The following FGFR1 variants were observed in gnomAD, a reference collection of about 807,000 sequenced individuals.
FGFR1 encodes the protein fibroblast growth factor receptor 1, also known as FGFR1/PLAG1 fusion.
A neutral mutation model predicts 93.7 loss-of-function variants in FGFR1; 18 were observed. The observed-to-expected ratio is 0.19, with a 90% CI of 0.13 to 0.28. The LOEUF (loss-of-function observed/expected upper bound fraction) is 0.28. Among genes scored for constraint, FGFR1 ranks in the 10% least tolerant of loss-of-function variants. FGFR1 has a pLI of 1.00. For missense variants in FGFR1, 731 were observed against 1,080.4 expected (o/e 0.68, Z 4.53); for synonymous variants, 448 against 429.3 (o/e 1.04, Z -0.54).
Position 38,424,755 on chromosome 8 carries a change from G to A in FGFR1, c.746-56C>T, listed in dbSNP as rs1009258549. On this transcript the variant is annotated intron_variant, in intron 6 of 17. Transcript: ENST00000447712. The surrounding 1 kb of genome is among the most constrained non-coding windows in gnomAD (Gnocchi z 4.3). ...ATGGGGACCTTGCCATGGCTAAAGAGGGGTGGGCTCACCTGCGCCCCACTT... is the reference window on the plus strand; with the variant it reads ...ATGGGGACCTTGCCATGGCTAAAGAAGGGTGGGCTCACCTGCGCCCCACTT... The A allele has an allele frequency of 1.4e-5, 22 of 1,576,122 alleles. No homozygotes were observed. Among genetic ancestry groups the A allele is most frequent in the Non-Finnish European group, 1.8e-5 (21 of 1,154,728 alleles).
chr8:38,417,297 G>A lies in FGFR1; in HGVS notation c.1663+9C>T, dbSNP rs557754125. 40 of 1,605,500 alleles carry A rather than the reference G, an allele frequency of 2.5e-5. No individual in the cohort carries two copies. The Admixed American group carries it at 2.5e-4, about 10-fold the overall frequency. On this transcript the variant is annotated intron_variant, in intron 12 of 17. Coordinates refer to ENST00000447712, the MANE Select transcript of FGFR1 (RefSeq NM_023110.3). ...CTGGGCAGGGAAAGCCAGTCTGGCC[G>A]GCACCCACCATCCTGCGTGCAGGCC...
intron 2 of FGFR1, among the ~76,000 whole-genome samples, chr8:38,449,990 G>C (rs1173747292): frequency 6.6e-6 from 1 of 152,232 alleles, no homozygotes; most frequent in East Asian, 1.9e-4. Flanking sequence ...CGGGGAGGAG[G>C]GGTTAGGGCA....
At position 38,436,395 on chromosome 8, in the gene FGFR1, T is replaced by TG. The variant is rs992415082; in HGVS notation, c.92-6448dup. The stretch of plus-strand genomic sequence containing the variant: ...CAACAACAACAAAAAAAGTGCATTG[T>TG]GAAAAAAAAGGGGCCTTATGCTTTG... On this transcript the variant is annotated intron_variant, in intron 2 of 17. Coordinates refer to ENST00000447712, the MANE Select transcript of FGFR1 (RefSeq NM_023110.3). Among the ~76,000 whole-genome samples the TG allele has an allele frequency of 4.0e-5, 6 of 151,518 alleles. No individual in the cohort carries two copies. In the South Asian group the frequency reaches 6.3e-4, roughly 16 times the overall value.
intron 2 of FGFR1, chr8:38,434,891 G>GA (rs1354514401): frequency 6.6e-6 from 1 of 152,618 alleles, no homozygotes; most frequent in Non-Finnish European, 1.5e-5. Flanking sequence ...TTTTGAGACA[G>GA]AATTTCACTC....
chr8:38,443,035 A>C (rs552048142), intron 2 of FGFR1, among the ~76,000 whole-genome samples: 11 of 152,378 alleles, frequency 7.2e-5, no homozygotes, highest in African/African-American at 2.6e-4. Flanking sequence ...GAGACTAAAG[A>C]CAATAAAACA....
chr8:38,454,877 C>T (rs1832296816), intron 2 of FGFR1, among the ~76,000 whole-genome samples: 1 of 151,884 alleles, frequency 6.6e-6, no homozygotes, highest in Non-Finnish European at 1.5e-5. Flanking sequence ...ACTGAGCTGC[C>T]AAATTAACTT....
Position 38,413,941 on chromosome 8 carries a change from T to C in FGFR1, c.2269A>G (p.Ile757Val). The change falls in exon 17 of 18, where the codon ATC (isoleucine) becomes GTC (valine). Residue 757 changes from isoleucine to valine, a missense_variant. Around this residue, in one of 10 missense-constraint regions of FGFR1, gnomAD observed 79 missense variants for 97.2 expected, o/e 0.81. Coordinates refer to ENST00000447712, the MANE Select transcript of FGFR1 (RefSeq NM_023110.3). This position sits in a 1 kb window ranked among gnomAD's most constrained non-coding sequence, Gnocchi z 4.2. Reference sequence around the variant, plus strand: ...ACCTGGTTGGAGGTCAAGGCCACGATGCGGTCCAGGTCTTCCACCAGCTGC... The same window carrying C: ...ACCTGGTTGGAGGTCAAGGCCACGACGCGGTCCAGGTCTTCCACCAGCTGC... The part of the protein sequence containing the change: ...FKQLVEDLDR[I>V]VALTSNQEYL... 1.2e-6 allele frequency: 2 copies of C among 1,614,056 alleles called. No homozygotes were observed. The highest frequency in any genetic ancestry group is 1.7e-6 in the Non-Finnish European group (2 of 1,179,976).
chr8:38,450,373 T>TAC (rs966552614), intron 2 of FGFR1, among the ~76,000 whole-genome samples: 117 of 152,246 alleles, frequency 7.7e-4, no homozygotes, highest in African/African-American at 2.8e-3. Flanking sequence ...AGGTGGTGTC[T>TAC]ACAGGGTGAG....
chr8:38,458,169 T>G (rs1833403963), intron 1 of FGFR1, among the ~76,000 whole-genome samples: 5 of 152,110 alleles, frequency 3.3e-5, no homozygotes, highest in African/African-American at 1.2e-4. Flanking sequence ...GTTCTGCCCT[T>G]TTGTGGGAAA....
At chr8:38,452,617 C>T (rs993479597) in intron 2 of FGFR1, among the ~76,000 whole-genome samples, 1 of 152,164 alleles carries the variant, frequency 6.6e-6, no homozygotes, top group African/African-American at 2.4e-5. Flanking sequence ...CCTGCATCGG[C>T]CTCCTATAGT....
rs546442712 is a variant in FGFR1, at chr8:38,446,627, C to T, written c.91+10729G>A. ...TGGGGTTTATGCCATGTTGCCCAAG[C>T]GGGTCTTCTGAGCTCACTCTATCTG... is the stretch of plus-strand genomic sequence containing the variant. On this transcript the variant is annotated intron_variant, in intron 2 of 17. Transcript: ENST00000447712. Among the ~76,000 whole-genome samples, 14 of 152,128 alleles carry T rather than the reference C, an allele frequency of 9.2e-5. No homozygotes were observed. The South Asian group carries it at 1.7e-3, about 18-fold the overall frequency.
At chr8:38,449,218 A>G (rs1165552399) in intron 2 of FGFR1, among the ~76,000 whole-genome samples, 1 of 152,214 alleles carries the variant, frequency 6.6e-6, no homozygotes, top group African/African-American at 2.4e-5. Flanking sequence ...ATCTAAACCC[A>G]AGCTAAACCT....
In FGFR1 at chr8:38,466,640, A is replaced by G. The variant is rs185319976; in HGVS notation, c.-89+1341T>C. 1.3e-3 allele frequency: 290 copies of G among 227,352 alleles called. 1 individual carries two copies. The highest frequency in any genetic ancestry group is 5.5e-3 in the African/African-American group (247 of 45,080). 14.1% of individuals were successfully genotyped at this position (227,352 alleles called of 1,614,324 possible). On this transcript the variant is annotated intron_variant, in intron 1 of 17. Transcript: ENST00000447712. ...CTCAACGCCGCATCTCCAAGTCTCC[A>G]GAAATGTTAAGGAGGGAGGTGGTCA...
At chr8:38,442,197 G>C (rs6987534) in intron 2 of FGFR1, among the ~76,000 whole-genome samples, 65,703 of 151,926 alleles carry the variant, frequency 0.43, 14,460 homozygotes, top group East Asian at 0.62. Context: ...TAGGTGGACT[G>C]TAAGTTGGGG....
rs1824550554 is a variant in FGFR1 at position 38,434,566 on chromosome 8, T to G, written c.92-4618A>C. ...GATTTTCTTATAGTGATTCTCAAAG[T>G]CTTGGCAGGCATTCAAACTGGTCCC... On this transcript the variant is annotated intron_variant, in intron 2 of 17. Coordinates refer to ENST00000447712, the MANE Select transcript of FGFR1 (RefSeq NM_023110.3). 1.4e-5 allele frequency: 4 copies of G among 276,748 alleles called. No individual in the cohort carries two copies. In the South Asian group the frequency reaches 2.0e-4, roughly 14 times the overall value. 17.1% of individuals were successfully genotyped at this position (276,748 alleles called of 1,614,324 possible). A position where few individuals can be genotyped will look rare whatever the true frequency, so the allele number is the denominator to read the frequency against.
At position 38,413,168 on chromosome 8, in the gene FGFR1, A is replaced by G. The variant is rs948848905; in HGVS notation, c.*460T>C. The stretch of plus-strand genomic sequence containing the variant: ...CTATCTGGGGCAGAGGTCACCTTCA[A>G]TCGAGGCACGAAGCACTGACCTCCC... On this transcript the variant is annotated 3_prime_UTR_variant, in exon 18 of 18. Transcript: ENST00000447712. The surrounding 1 kb of genome is among the most constrained non-coding windows in gnomAD (Gnocchi z 4.2). 4.1e-6 allele frequency: 1 copy of G among 246,376 alleles called. No individual in the cohort carries two copies. Among genetic ancestry groups the G allele is most frequent in the Non-Finnish European group, 7.9e-6 (1 of 126,092 alleles). 15.3% of individuals were successfully genotyped at this position (246,376 alleles called of 1,614,324 possible).
At chr8:38,431,536 T>C (rs1823148275) in intron 2 of FGFR1, among the ~76,000 whole-genome samples, 1 of 152,170 alleles carries the variant, frequency 6.6e-6, no homozygotes, top group South Asian at 2.1e-4. Context: ...TCCCCCTTAT[T>C]TGAAACACGG....
At chr8:38,417,623 A>C in intron 11 of FGFR1, 1 of 715,208 alleles carries the variant, frequency 1.4e-6, no homozygotes, top group Non-Finnish European at 2.4e-6. Context: ...TGGTGAGGAA[A>C]GCCTGCAAGC....
chr8:38,452,742 C>T (rs962311365), intron 2 of FGFR1, among the ~76,000 whole-genome samples: 6 of 151,968 alleles, frequency 3.9e-5, no homozygotes, highest in East Asian at 1.9e-4. Context: ...TTTGGGAGGC[C>T]GAGGTGGGCA....
Sources: gnomAD v4.1 joint callset for allele counts (sites outside exome capture counted in the v4.1 genomes callset) on GRCh38, gnomAD v4.1.1 for gene constraint, gnomAD v4.1.1 regional missense constraint, Gnocchi (gnomAD v3.1) non-coding constraint, MANE v1.5 for transcripts, NCBI Gene and HGNC (gene_info 2026-07-23, HGNC 2026-07-21) for gene names.